PVT1: variants seen among roughly 807,000 people sequenced by gnomAD.
PVT1 encodes the protein Pvt1 oncogene, also known as CXCR4/PVT1 fusion.
intron 3 of PVT1, among the ~76,000 whole-genome samples, chr8:127,982,026 C>T (rs1353537397): frequency 4.6e-5 from 7 of 152,162 alleles, no homozygotes; most frequent in Non-Finnish European, 1.0e-4. Flanking sequence ...GCTAGACTTC[C>T]TTCCTTCACC....
chr8:127,819,039 T>C (rs1814699133), intron 2 of PVT1, among the ~76,000 whole-genome samples: 1 of 152,160 alleles, frequency 6.6e-6, no homozygotes, highest in Non-Finnish European at 1.5e-5. Context: ...TTATTCTTAG[T>C]ACAGATGGGG....
chr8:127,913,507 G>A (rs1815935997), intron 3 of PVT1, among the ~76,000 whole-genome samples: 1 of 152,180 alleles, frequency 6.6e-6, no homozygotes, highest in Admixed American at 6.5e-5. Context: ...GGGGACAGGG[G>A]CAGTTAAGCC....
chr8:127,970,147 C>T (rs1390962156), intron 3 of PVT1, among the ~76,000 whole-genome samples: 2 of 152,034 alleles, frequency 1.3e-5, no homozygotes, highest in African/African-American at 4.8e-5. Context: ...TGCATCCAGG[C>T]ATGTGGCTTA....
intron 5 of PVT1, among the ~76,000 whole-genome samples, chr8:128,080,106 A>G (rs1814157328): frequency 6.6e-6 from 1 of 152,160 alleles, no homozygotes; most frequent in African/African-American, 2.4e-5. Flanking sequence ...CTTTGTCTGG[A>G]TGTACCACAG....
At chr8:127,855,489 G>T (rs535677446) in intron 2 of PVT1, among the ~76,000 whole-genome samples, 23 of 152,168 alleles carry the variant, frequency 1.5e-4, no homozygotes, top group Non-Finnish European at 2.5e-4. Context: ...AGGTGGCTTT[G>T]GGGGGGACAT....
intron 5 of PVT1, among the ~76,000 whole-genome samples, chr8:128,096,284 A>T (rs923436834): frequency 6.6e-6 from 1 of 152,166 alleles, no homozygotes; most frequent in Non-Finnish European, 1.5e-5. Flanking sequence ...AATGTTCACT[A>T]TATGTTGTCA....
chr8:127,986,283 C>G (rs200931056), intron 3 of PVT1, among the ~76,000 whole-genome samples: 1 of 152,096 alleles, frequency 6.6e-6, no homozygotes, highest in African/African-American at 2.4e-5. Flanking sequence ...CTCCTGGGAG[C>G]CTTGGAGGTC....
chr8:128,021,268 G>A (rs888679266), intron 4 of PVT1, among the ~76,000 whole-genome samples: 1 of 141,622 alleles, frequency 7.1e-6, no homozygotes, highest in African/African-American at 2.6e-5. Context: ...TGCCTCTCCA[G>A]TCCGATTCCC....
intron 4 of PVT1, among the ~76,000 whole-genome samples, chr8:127,998,859 C>T (rs1817140814): frequency 6.8e-6 from 1 of 146,566 alleles, no homozygotes; most frequent in South Asian, 2.2e-4. Context: ...CTCCCTCCCT[C>T]TCTCTCTCTC....
chr8:128,040,540 T>A lies in PVT1; in HGVS notation n.913-29620T>A, dbSNP rs1295362688. On this transcript the variant is annotated intron_variant and non_coding_transcript_variant, in intron 4 of 10. Coordinates refer to ENST00000651587, the Ensembl canonical transcript of PVT1. Reference sequence around the variant, plus strand: ...CTAACACATGGAAGAAAGGGATAAATTTGGATATCCAAAATTTATGCAAAA... The same window carrying A: ...CTAACACATGGAAGAAAGGGATAAAATTGGATATCCAAAATTTATGCAAAA... Among the ~76,000 whole-genome samples the A allele has an allele frequency of 2.0e-5, 3 of 152,216 alleles. No individual in the cohort carries two copies. The East Asian group carries it at 5.8e-4, about 29-fold the overall frequency.
chr8:127,899,250 G>A (rs1346921057), intron 3 of PVT1, among the ~76,000 whole-genome samples: 1 of 152,230 alleles, frequency 6.6e-6, no homozygotes, highest in African/African-American at 2.4e-5. Context: ...AGGACACTTG[G>A]CCTCTCTGGG....
intron 4 of PVT1, among the ~76,000 whole-genome samples, chr8:128,030,273 A>G (rs917157047): frequency 6.6e-6 from 1 of 152,210 alleles, no homozygotes; most frequent in African/African-American, 2.4e-5. Flanking sequence ...TGCCTATTAT[A>G]TTATGTACAT....
At chr8:127,825,931 G>A (rs1196662835) in intron 2 of PVT1, among the ~76,000 whole-genome samples, 1 of 150,890 alleles carries the variant, frequency 6.6e-6, no homozygotes, top group African/African-American at 2.4e-5. Flanking sequence ...GTTCATTGCA[G>A]CCTCAAATTC....
intron 2 of PVT1, among the ~76,000 whole-genome samples, chr8:127,818,729 A>G (rs967772371): frequency 3.9e-5 from 6 of 152,160 alleles, no homozygotes; most frequent in African/African-American, 1.4e-4. Flanking sequence ...CTTACCCTCT[A>G]GAGCCTCCAC....
At chr8:127,871,892 C>A (rs1350352021) in intron 2 of PVT1, among the ~76,000 whole-genome samples, 1 of 151,914 alleles carries the variant, frequency 6.6e-6, no homozygotes, top group Non-Finnish European at 1.5e-5. Context: ...AGTTGGAGAC[C>A]AACCTGGCCA....
intron 3 of PVT1, among the ~76,000 whole-genome samples, chr8:127,910,936 T>G (rs145229026): frequency 3.3e-5 from 5 of 151,752 alleles, no homozygotes; most frequent in African/African-American, 1.2e-4. Flanking sequence ...AGAGAGATTG[T>G]GCATTGTACG....
In PVT1 at chr8:127,960,700, AT is replaced by A; in HGVS notation, n.783-28457del. The A allele has an allele frequency of 5.8e-6, 3 of 520,446 alleles. No homozygotes were observed. The Admixed American group carries it at 6.2e-5, about 11-fold the overall frequency. 32.2% of individuals were successfully genotyped at this position (520,446 alleles called of 1,614,324 possible). Reference sequence around the variant, plus strand: ...CAACCCTGTTCTGGAGTCTGTCTCCATTTTTCAGACACAAAAACTGAGGCAT... The same window carrying A: ...CAACCCTGTTCTGGAGTCTGTCTCCATTTTCAGACACAAAAACTGAGGCAT... On this transcript the variant is annotated intron_variant and non_coding_transcript_variant, in intron 3 of 10. Transcript: ENST00000651587.
chr8:127,806,442 A>C (rs1814530199), intron 2 of PVT1, among the ~76,000 whole-genome samples: 1 of 152,094 alleles, frequency 6.6e-6, no homozygotes, highest in Middle Eastern at 3.2e-3. Flanking sequence ...GCCTGGACAC[A>C]GAGAACGACT....
chr8:127,841,480 G>A (rs1048784276), intron 2 of PVT1, among the ~76,000 whole-genome samples: 1 of 152,050 alleles, frequency 6.6e-6, no homozygotes, highest in Non-Finnish European at 1.5e-5. Context: ...TGCCATGTTG[G>A]CCAGTCTGGT....
Sources: gnomAD v4.1 joint callset for allele counts (sites outside exome capture counted in the v4.1 genomes callset) on GRCh38, gnomAD v4.1.1 for gene constraint, MANE v1.5 for transcripts, NCBI Gene and HGNC (gene_info 2026-07-23, HGNC 2026-07-21) for gene names.